SLC8A1: variants seen among roughly 807,000 people sequenced by gnomAD.
SLC8A1 encodes the protein sodium/calcium exchanger 1.
A neutral mutation model predicts 68.3 loss-of-function variants in SLC8A1; 18 were observed. The ratio of observed to expected loss-of-function variants is 0.26; its 90% CI spans 0.18 to 0.39. The LOEUF is 0.39. Among genes scored for constraint, SLC8A1 ranks in the 10% least tolerant of loss-of-function variants. SLC8A1 has a pLI of 1.00. For missense variants in SLC8A1, 985 were observed against 1,156.7 expected (o/e 0.85, Z 2.15); for synonymous variants, 475 against 415.5 (o/e 1.14, Z -1.74).
intron 2 of SLC8A1, among the ~76,000 whole-genome samples, chr2:40,316,072 C>T (rs867614776): frequency 2.5e-4 from 38 of 152,168 alleles, no homozygotes; most frequent in Middle Eastern, 6.8e-3. Context: ...CAAGAAGGAC[C>T]TGAATGTCTG....
exon 8 of SLC8A1, chr2:40,115,153 G>A: frequency 1.1e-6 from 1 of 888,846 alleles, no homozygotes; most frequent in Non-Finnish European, 1.5e-6. Context: ...TCCATCAGCA[G>A]GTAAGTGAAC....
Position 40,160,967 on chromosome 2 carries a change from C to A in SLC8A1, c.2062-103G>T, listed in dbSNP as rs72792732. ...AACTCCAGAGTTATATAAAGGGTAG[C>A]AGATGTTAGGCTCAAAACAACAGTA... On this transcript the variant is annotated intron_variant, in intron 5 of 7. Coordinates refer to ENST00000406785, the Ensembl canonical transcript of SLC8A1. 1,814 of 772,062 alleles carry A rather than the reference C, an allele frequency of 2.3e-3. 4 individuals are homozygous for A. The highest frequency in any genetic ancestry group is 3.5e-3 in the Middle Eastern group (13 of 3,706). The allele number at this position is 772,062 out of a possible 1,614,324, so 47.8% of individuals were successfully genotyped here.
At chr2:40,147,373 T>C (rs1331154864) in intron 6 of SLC8A1, among the ~76,000 whole-genome samples, 1 of 152,220 alleles carries the variant, frequency 6.6e-6, no homozygotes, top group Non-Finnish European at 1.5e-5. Context: ...GAGTGTTCTC[T>C]TACCCTTAAC....
At chr2:40,299,162 C>T (rs2070966302) in intron 2 of SLC8A1, among the ~76,000 whole-genome samples, 1 of 152,102 alleles carries the variant, frequency 6.6e-6, no homozygotes, top group South Asian at 2.1e-4. Flanking sequence ...GGTGGCAGAG[C>T]CATGTGAGGC....
intron 2 of SLC8A1, among the ~76,000 whole-genome samples, chr2:40,418,046 TATAGTTTACA>T (rs1002718679): frequency 2.9e-4 from 44 of 152,252 alleles, no homozygotes; most frequent in Middle Eastern, 3.4e-3. Context: ...TTTAAAAGAA[TATAGTTTACA>T]ATAGCTATAG....
chr2:40,126,518 A>G (rs143981364), intron 7 of SLC8A1, among the ~76,000 whole-genome samples: 7 of 152,262 alleles, frequency 4.6e-5, no homozygotes, highest in East Asian at 1.9e-4. Flanking sequence ...GAGAGTATCA[A>G]GTGCTGGAGT....
At chr2:40,463,157 T>G (rs994148275) in intron 1 of SLC8A1, among the ~76,000 whole-genome samples, 4 of 152,198 alleles carry the variant, frequency 2.6e-5, no homozygotes, top group African/African-American at 9.7e-5. Context: ...TAACCTTTTT[T>G]AGTAGACTCT....
chr2:40,325,518 A>G (rs1052367861), intron 2 of SLC8A1, among the ~76,000 whole-genome samples: 27 of 152,176 alleles, frequency 1.8e-4, no homozygotes, highest in Non-Finnish European at 3.4e-4. Context: ...GCACCTTTTC[A>G]TATTTTGTAT....
intron 1 of SLC8A1, among the ~76,000 whole-genome samples, chr2:40,433,227 C>CA (rs1366352843): frequency 1.3e-5 from 2 of 152,170 alleles, no homozygotes; most frequent in Non-Finnish European, 2.9e-5. Flanking sequence ...AACCCCTCAA[C>CA]AGGCTTTCTA....
intron 1 of SLC8A1, among the ~76,000 whole-genome samples, chr2:40,476,901 CTTTA>C (rs989652353): frequency 1.1e-4 from 16 of 152,000 alleles, no homozygotes; most frequent in African/African-American, 3.4e-4. Context: ...TTGTTCTTTC[CTTTA>C]TTTATGGCAT....
At chr2:40,231,569 TC>T (rs2059649567) in intron 2 of SLC8A1, among the ~76,000 whole-genome samples, 1 of 152,174 alleles carries the variant, frequency 6.6e-6, no homozygotes. Flanking sequence ...AAATGGGTTT[TC>T]CATCTATCAT....
intron 1 of SLC8A1, among the ~76,000 whole-genome samples, chr2:40,434,043 T>C (rs1408592731): frequency 6.6e-6 from 1 of 152,162 alleles, no homozygotes; most frequent in Non-Finnish European, 1.5e-5. Flanking sequence ...TCTTCCTGCA[T>C]GCACTGTCAG....
chr2:40,432,091 T>G (rs868432282), intron 1 of SLC8A1, among the ~76,000 whole-genome samples: 2 of 152,048 alleles, frequency 1.3e-5, no homozygotes, highest in African/African-American at 4.8e-5. Flanking sequence ...TTGAAAGGCT[T>G]TGAGATTTCT....
intron 2 of SLC8A1, among the ~76,000 whole-genome samples, chr2:40,235,616 T>G (rs1227047905): frequency 6.6e-6 from 1 of 151,972 alleles, no homozygotes; most frequent in Admixed American, 6.6e-5. Context: ...CTGCTCTGAT[T>G]TTAGTTATTT....
chr2:40,432,088 G>C (rs1025148881), intron 1 of SLC8A1, among the ~76,000 whole-genome samples: 1 of 152,066 alleles, frequency 6.6e-6, no homozygotes, highest in East Asian at 1.9e-4. Flanking sequence ...TCTTTGAAAG[G>C]CTTTGAGATT....
At chr2:40,132,440 G>A (rs1176857797) in intron 7 of SLC8A1, among the ~76,000 whole-genome samples, 1 of 152,018 alleles carries the variant, frequency 6.6e-6, no homozygotes, top group Non-Finnish European at 1.5e-5. Context: ...ACCCTATACA[G>A]CTCCAGGAGG....
At chr2:40,107,150 C>T (rs1452829455) in exon 8 of SLC8A1, 2 of 151,974 alleles carry the variant, frequency 1.3e-5, no homozygotes, top group African/African-American at 4.8e-5. Context: ...GCCTCCTACT[C>T]CTCTGCTCCC....
At chr2:40,290,770 T>C (rs905202191) in intron 2 of SLC8A1, among the ~76,000 whole-genome samples, 2 of 152,202 alleles carry the variant, frequency 1.3e-5, no homozygotes, top group Admixed American at 6.6e-5. Context: ...TTTCTTCTCT[T>C]TATTTCTTAG....
chr2:40,321,839 A>T (rs1440340503), intron 2 of SLC8A1, among the ~76,000 whole-genome samples: 2 of 152,150 alleles, frequency 1.3e-5, no homozygotes, highest in African/African-American at 4.8e-5. Flanking sequence ...ACCAAGCCGT[A>T]TCACCATCCA....
Sources: gnomAD v4.1 joint callset for allele counts (sites outside exome capture counted in the v4.1 genomes callset) on GRCh38, gnomAD v4.1.1 for gene constraint, MANE v1.5 for transcripts, NCBI Gene and HGNC (gene_info 2026-07-23, HGNC 2026-07-21) for gene names.